Variants in STXBP6 observed in about 807,000 individuals in gnomAD.
STXBP6 encodes syntaxin-binding protein 6.
Under a neutral mutation model 26.9 loss-of-function variants are expected in STXBP6, and 21 were observed. The ratio of observed to expected loss-of-function variants is 0.78; its 90% confidence interval spans 0.55 to 1.12. STXBP6 has a LOEUF of 1.12. STXBP6 is among the 50% of genes most tolerant of loss of function. STXBP6 has a pLI of 0.00. For synonymous variants in STXBP6, 97 were observed against 92.6 expected, an observed-to-expected ratio of 1.05 and a Z score of -0.27; for missense variants, 232 against 257.9, an observed-to-expected ratio of 0.90 and a Z score of 0.69.
At chr14:24,983,086 T>C (rs898239924) in intron 1 of STXBP6, among the ~76,000 whole-genome samples, 1 of 152,088 alleles carries the variant, frequency 6.6e-6, no homozygotes, top group African/African-American at 2.4e-5. Flanking sequence ...CAGTAATGGG[T>C]AGAAATAAAG....
intron 1 of STXBP6, among the ~76,000 whole-genome samples, chr14:25,013,563 CA>C (rs1167720751): frequency 6.6e-6 from 1 of 151,070 alleles, no homozygotes; most frequent in African/African-American, 2.4e-5. Flanking sequence ...GTACTTTTGA[CA>C]AAAAATTGAA....
intron 1 of STXBP6, among the ~76,000 whole-genome samples, chr14:25,034,861 A>G (rs2075522678): frequency 6.6e-6 from 1 of 152,124 alleles, no homozygotes; most frequent in South Asian, 2.1e-4. Context: ...CTTCTTAGAA[A>G]ACTTCTTGGC....
intron 1 of STXBP6, among the ~76,000 whole-genome samples, chr14:25,016,817 G>A (rs1222561517): frequency 6.6e-6 from 1 of 152,128 alleles, no homozygotes; most frequent in African/African-American, 2.4e-5. Context: ...TGTAGAAAAG[G>A]AGATGGCATG....
chr14:24,856,783 C>T (rs1238291621), intron 3 of STXBP6, among the ~76,000 whole-genome samples: 1 of 151,806 alleles, frequency 6.6e-6, no homozygotes, highest in Non-Finnish European at 1.5e-5. Context: ...CTTTGCTGAT[C>T]AATGTTACCG....
chr14:25,031,948 G>A (rs1460323940), intron 1 of STXBP6, among the ~76,000 whole-genome samples: 1 of 152,138 alleles, frequency 6.6e-6, no homozygotes, highest in Non-Finnish European at 1.5e-5. Context: ...ACTAAAGGAA[G>A]AAATGGACAA....
At chr14:24,878,239 T>G (rs1160011400) in intron 2 of STXBP6, among the ~76,000 whole-genome samples, 1 of 152,126 alleles carries the variant, frequency 6.6e-6, no homozygotes, top group Non-Finnish European at 1.5e-5. Flanking sequence ...AAAATAGTCA[T>G]TCATCAATGT....
chr14:24,881,705 C>T (rs751112986), intron 2 of STXBP6, among the ~76,000 whole-genome samples: 6 of 152,158 alleles, frequency 3.9e-5, no homozygotes, highest in Non-Finnish European at 7.4e-5. Context: ...TTTTAAGAAG[C>T]TGGTGACCTG....
chr14:25,022,929 T>A (rs1025241993), intron 1 of STXBP6, among the ~76,000 whole-genome samples: 24 of 152,202 alleles, frequency 1.6e-4, no homozygotes, highest in African/African-American at 5.3e-4. Flanking sequence ...TACCCAAAGC[T>A]GGCCTTCCTC....
At chr14:24,817,901 G>C (rs1195630743) in intron 5 of STXBP6, 1 of 378,122 alleles carries the variant, frequency 2.6e-6, no homozygotes, top group African/African-American at 2.1e-5. Flanking sequence ...ACAAGACAGC[G>C]CTGTGCAAAG....
chr14:24,845,944 T>C (rs897941508), intron 4 of STXBP6, among the ~76,000 whole-genome samples: 4 of 152,120 alleles, frequency 2.6e-5, no homozygotes, highest in Non-Finnish European at 5.9e-5. Context: ...AGGAAACAAA[T>C]TCTTCCCTGG....
intron 1 of STXBP6, among the ~76,000 whole-genome samples, chr14:25,007,644 T>C (rs1439638399): frequency 6.6e-6 from 1 of 152,218 alleles, no homozygotes; most frequent in Non-Finnish European, 1.5e-5. Context: ...TTGTCTGGTA[T>C]CCAAATCAGT....
At chr14:24,917,169 C>T (rs576706717) in intron 2 of STXBP6, among the ~76,000 whole-genome samples, 1 of 152,064 alleles carries the variant, frequency 6.6e-6, no homozygotes, top group South Asian at 2.1e-4. Flanking sequence ...ATACTAACAT[C>T]CATGTTTAAC....
chr14:24,866,149 CAGTCAGT>C (rs1470878518), intron 2 of STXBP6, among the ~76,000 whole-genome samples: 1 of 152,034 alleles, frequency 6.6e-6, no homozygotes, highest in Non-Finnish European at 1.5e-5. Context: ...GGGTCTCATC[CAGTCAGT>C]AGAAGATCTG....
chr14:24,957,479 G>A (rs953141042), intron 2 of STXBP6, among the ~76,000 whole-genome samples: 4 of 152,228 alleles, frequency 2.6e-5, no homozygotes, highest in African/African-American at 9.6e-5. Context: ...TTTGAGGAAT[G>A]TGCAAAGTCA....
intron 4 of STXBP6, among the ~76,000 whole-genome samples, chr14:24,847,596 T>A (rs2069006975): frequency 6.6e-6 from 1 of 152,164 alleles, no homozygotes; most frequent in Admixed American, 6.5e-5. Flanking sequence ...TTTATGTCTG[T>A]TTCAGAACTA....
intron 1 of STXBP6, among the ~76,000 whole-genome samples, chr14:24,982,344 T>C (rs538451577): frequency 5.9e-5 from 9 of 152,328 alleles, no homozygotes; most frequent in Middle Eastern, 3.4e-3. Context: ...TGACAAGGCT[T>C]AGAAGATAAC....
intron 2 of STXBP6, among the ~76,000 whole-genome samples, chr14:24,963,682 T>C (rs1329732019): frequency 1.3e-5 from 2 of 152,300 alleles, no homozygotes; most frequent in Middle Eastern, 3.4e-3. Context: ...GTCTATTAAA[T>C]GATCACTTGT....
At chr14:25,048,997 T>G in intron 1 of STXBP6, 1 of 223,234 alleles carries the variant, frequency 4.5e-6, no homozygotes, top group Non-Finnish European at 7.5e-6. Flanking sequence ...TAGGGAAGCG[T>G]AATAGGAAGG....
chr14:24,893,381 A>G (rs1292034847), intron 2 of STXBP6, among the ~76,000 whole-genome samples: 1 of 152,192 alleles, frequency 6.6e-6, no homozygotes, highest in African/African-American at 2.4e-5. Flanking sequence ...AAGGTACACA[A>G]AAATTAAGGA....
Sources: gnomAD v4.1 joint callset for allele counts (sites outside exome capture counted in the v4.1 genomes callset) on GRCh38, gnomAD v4.1.1 for gene constraint, MANE v1.5 for transcripts, NCBI Gene and HGNC (gene_info 2026-07-23, HGNC 2026-07-21) for gene names.